Variants in RTL4 observed in about 807,000 individuals in gnomAD.
RTL4 encodes retrotransposon Gag like 4, also known as retrotransposon Gag-like protein 4.
Under a neutral mutation model 5.3 loss-of-function variants are expected in RTL4, and 4 were observed. The ratio of observed to expected loss-of-function variants is 0.75; its 90% CI spans 0.37 to 1.72. RTL4 has a LOEUF of 1.72. RTL4 is among the 40% of genes most tolerant of loss of function. The pLI is 0.04. For missense variants in RTL4, 260 were observed against 227.1 expected (o/e 1.14, Z -0.93); for synonymous variants, 98 against 87.3 (o/e 1.12, Z -0.68).
chrX:112,103,336 G>GC, the RTL4 span, among the ~76,000 whole-genome samples: 16,504 of 111,086 alleles, frequency 0.15, 1,783 homozygotes, highest in African/African-American at 0.38. Flanking sequence ...ACCAAATATT[G>GC]CATGTTCTTA....
At chrX:112,177,599 G>T in the RTL4 span, among the ~76,000 whole-genome samples, 1 of 109,461 alleles carries the variant, frequency 9.1e-6, no homozygotes, top group African/African-American at 3.3e-5. Flanking sequence ...TGTTGGACGG[G>T]TAGTTTGCAA....
At chrX:112,381,125 T>C in the RTL4 span, among the ~76,000 whole-genome samples, 1 of 110,816 alleles carries the variant, frequency 9.0e-6, no homozygotes, top group African/African-American at 3.3e-5. Flanking sequence ...ACGGATAAAC[T>C]ACGGGAGCTT....
the RTL4 span, among the ~76,000 whole-genome samples, chrX:112,291,357 T>C: frequency 1.0e-5 from 1 of 96,774 alleles, no homozygotes; most frequent in Non-Finnish European, 2.0e-5. Flanking sequence ...TATAGATATA[T>C]GTATGTTTGT....
chrX:112,443,992 A>G, the RTL4 span, among the ~76,000 whole-genome samples: 26,223 of 110,649 alleles, frequency 0.24, 2,422 homozygotes, highest in Middle Eastern at 0.28. Context: ...ATGCTTGTGG[A>G]GTATTACTCA....
chrX:112,389,297 T>A, the RTL4 span, among the ~76,000 whole-genome samples: 1 of 106,580 alleles, frequency 9.4e-6, no homozygotes, highest in Non-Finnish European at 1.9e-5. Flanking sequence ...TCTTAATTAT[T>A]CTAGCTACTG....
chrX:112,220,405 G>A, the RTL4 span, among the ~76,000 whole-genome samples: 1 of 112,693 alleles, frequency 8.9e-6, no homozygotes, highest in African/African-American at 3.2e-5. Flanking sequence ...ACAGTAGGGG[G>A]CCCTGGGCCC....
At chrX:112,169,352 G>C in the RTL4 span, among the ~76,000 whole-genome samples, 155 of 110,009 alleles carry the variant, frequency 1.4e-3, no homozygotes, top group African/African-American at 4.8e-3. Context: ...GACCTCAGGT[G>C]ATCCACCCGC....
the RTL4 span, among the ~76,000 whole-genome samples, chrX:112,169,029 TTTC>T: frequency 7.4e-3 from 208 of 28,074 alleles, 1 homozygote; most frequent in African/African-American, 0.021. Flanking sequence ...TCTCTTTCTC[TTTC>T]TTTCTTTCTT....
At chrX:112,324,726 C>T in the RTL4 span, among the ~76,000 whole-genome samples, 1 of 111,029 alleles carries the variant, frequency 9.0e-6, no homozygotes, top group African/African-American at 3.3e-5. Flanking sequence ...ATACTTCATA[C>T]AATTTTAATT....
the RTL4 span, among the ~76,000 whole-genome samples, chrX:112,292,905 C>T: frequency 2.7e-5 from 3 of 111,764 alleles, no homozygotes; most frequent in Non-Finnish European, 5.6e-5. Context: ...CTCTCTGACT[C>T]ACTGACTTTT....
the RTL4 span, among the ~76,000 whole-genome samples, chrX:112,161,821 C>CT: frequency 3.1e-3 from 131 of 42,344 alleles, 3 homozygotes; most frequent in African/African-American, 9.4e-3. Flanking sequence ...TCCTTCCTTC[C>CT]TTCCTTCCTT....
the RTL4 span, among the ~76,000 whole-genome samples, chrX:112,249,224 G>T: frequency 8.9e-6 from 1 of 112,167 alleles, no homozygotes; most frequent in African/African-American, 3.2e-5. Context: ...AGGAAGTGCT[G>T]GTGGGTAACA....
the RTL4 span, among the ~76,000 whole-genome samples, chrX:112,266,709 C>T: frequency 1.8e-5 from 2 of 111,213 alleles, no homozygotes; most frequent in Non-Finnish European, 1.9e-5. Flanking sequence ...AATATCAGTA[C>T]CTTCTCCTTT....
At chrX:112,085,343 G>T in the RTL4 span, among the ~76,000 whole-genome samples, 1 of 112,472 alleles carries the variant, frequency 8.9e-6, no homozygotes, top group Non-Finnish European at 1.9e-5. Flanking sequence ...ACCATGACAG[G>T]TATGACTGTT....
At chrX:112,130,783 G>C in the RTL4 span, among the ~76,000 whole-genome samples, 1 of 103,073 alleles carries the variant, frequency 9.7e-6, no homozygotes, top group Admixed American at 1.0e-4. Flanking sequence ...TGACACTTAT[G>C]GGTGTGGGTT....
the RTL4 span, among the ~76,000 whole-genome samples, chrX:112,432,566 T>G: frequency 6.0e-5 from 6 of 99,217 alleles, no homozygotes; most frequent in Admixed American, 2.3e-4. Context: ...TTGCCCACTT[T>G]TTGATGGGGT....
At chrX:112,206,564 T>C in the RTL4 span, among the ~76,000 whole-genome samples, 1 of 111,508 alleles carries the variant, frequency 9.0e-6, no homozygotes, top group East Asian at 2.8e-4. Context: ...TGCTCCTTTG[T>C]TATCTCCCCC....
At chrX:112,413,441 G>C in the RTL4 span, among the ~76,000 whole-genome samples, 2 of 111,539 alleles carry the variant, frequency 1.8e-5, no homozygotes, top group Non-Finnish European at 3.8e-5. Context: ...GCCAAGACTT[G>C]GAAGCAACCT....
At chrX:112,404,557 A>G in the RTL4 span, among the ~76,000 whole-genome samples, 1 of 112,536 alleles carries the variant, frequency 8.9e-6, no homozygotes, top group South Asian at 3.7e-4. Context: ...TAACAGAAGA[A>G]GCCAGCTAGA....
Sources: allele counts gnomAD v4.1 joint callset (sites outside exome capture counted in the v4.1 genomes callset), GRCh38; gene constraint gnomAD v4.1.1; transcripts MANE v1.5; gene names NCBI Gene and HGNC (gene_info 2026-07-23, HGNC 2026-07-21).